Variants in MED15 observed in about 807,000 individuals in gnomAD.
MED15 encodes the protein mediator complex subunit 15, also known as mediator of RNA polymerase II transcription subunit 15.
Under a neutral mutation model 118.7 loss-of-function variants are expected in MED15, and 41 were observed. That is an observed-to-expected ratio of 0.35 (90% CI 0.27 to 0.45). MED15 has a LOEUF of 0.45. MED15 is among the 20% of genes least tolerant of loss of function. The pLI is 1.00. For missense variants in MED15, 740 were observed against 1,025.5 expected, an observed-to-expected ratio of 0.72 and a Z score of 3.80; for synonymous variants, 436 against 413.9, an observed-to-expected ratio of 1.05 and a Z score of -0.65.
chr22:20,582,808 C>T lies in MED15; in HGVS notation c.1410-32C>T, dbSNP rs746755968. 3.1e-6 allele frequency: 5 copies of T among 1,605,210 alleles called. No individual in the cohort carries two copies. In the East Asian group the frequency reaches 8.9e-5, roughly 29 times the overall value. On this transcript the variant is annotated intron_variant, in intron 10 of 17. Transcript: ENST00000263205. ...CCTCGAGGCTGGCCCTGCCTGGACC[C>T]CGGCTCACATGTTTCTCTCACTTGG...
intron 5 of MED15, among the ~76,000 whole-genome samples, chr22:20,564,047 C>T (rs756702940): frequency 2.0e-5 from 3 of 152,278 alleles, no homozygotes; most frequent in East Asian, 1.9e-4. Context: ...TAACATGCCA[C>T]GACATGGGCG....
chr22:20,573,458 T>TC (rs2056730874), intron 8 of MED15, among the ~76,000 whole-genome samples: 1 of 152,138 alleles, frequency 6.6e-6, no homozygotes, highest in Non-Finnish European at 1.5e-5. Flanking sequence ...GAGGACCCTC[T>TC]CTCTTTTTGC....
In MED15 at chr22:20,566,792, T is replaced by C; in HGVS notation, c.1016T>C (p.Leu339Ser). The change falls in exon 7 of 18, where the codon TTG becomes TCG. Residue 339 changes from leucine to serine, a missense_variant. Physicochemically the swap from Leu to Ser is moderately radical, Grantham distance 145 (BLOSUM62 -2). Around this residue, in one of 7 missense-constraint regions of MED15, gnomAD observed 384 missense variants for 506.3 expected, o/e 0.76. Coordinates refer to ENST00000263205, the MANE Select transcript of MED15 (RefSeq NM_001003891.3). ...GCGCAAGCTCTCCCTGGACAAATGT[T>C]GTATACCCAACCACCACTGAAATTT... is the stretch of plus-strand genomic sequence containing the variant. ...SQAQALPGQM[L>S]YTQPPLKFVR... 6.2e-7 allele frequency: 1 copy of C among 1,614,054 alleles called. No homozygotes were observed. Among genetic ancestry groups the C allele is most frequent in the Non-Finnish European group, 8.5e-7 (1 of 1,179,896 alleles).
At position 20,546,240 on chromosome 22, in the gene MED15, C is replaced by G. The variant is rs530472538; in HGVS notation, c.157-5196C>G. Among the ~76,000 whole-genome samples the G allele has an allele frequency of 3.9e-5, 6 of 152,292 alleles. No individual in the cohort carries two copies. The East Asian group carries it at 9.6e-4, about 24-fold the overall frequency. On this transcript the variant is annotated intron_variant, in intron 2 of 17. Transcript: ENST00000263205. ...TCTCCCAAGCTGCTGATTCATCCTGCCTGCCCCCTCCTTCTTATGAACTGG... is the reference window on the plus strand; with the variant it reads ...TCTCCCAAGCTGCTGATTCATCCTGGCTGCCCCCTCCTTCTTATGAACTGG...
intron 2 of MED15, among the ~76,000 whole-genome samples, chr22:20,541,011 G>A (rs1275811066): frequency 1.3e-5 from 2 of 152,054 alleles, no homozygotes; most frequent in Non-Finnish European, 2.9e-5. Context: ...GGCAGATCAC[G>A]AGGTCAGGAG....
intron 2 of MED15, among the ~76,000 whole-genome samples, chr22:20,546,613 A>G (rs188230068): frequency 2.8e-3 from 389 of 140,752 alleles, no homozygotes; most frequent in Non-Finnish European, 4.6e-3. Context: ...TGTTTTTCTG[A>G]TCTTTCCAGT....
At chr22:20,565,420 G>A (rs1047760202) in intron 6 of MED15, among the ~76,000 whole-genome samples, 3 of 152,186 alleles carry the variant, frequency 2.0e-5, no homozygotes, top group Admixed American at 6.5e-5. Context: ...AGTGTTAGTC[G>A]ACCTCCAGCT....
chr22:20,570,583 G>C (rs1244919400), intron 8 of MED15, among the ~76,000 whole-genome samples: 5 of 150,442 alleles, frequency 3.3e-5, no homozygotes, highest in Non-Finnish European at 5.9e-5. Context: ...GTAGAGATAG[G>C]GTTTCACCAT....
intron 7 of MED15, among the ~76,000 whole-genome samples, chr22:20,568,284 G>A (rs1051687977): frequency 2.0e-5 from 3 of 151,824 alleles, no homozygotes; most frequent in Admixed American, 2.0e-4. Context: ...GTGATAGCTG[G>A]TGCTGAGGGA....
chr22:20,544,014 C>T (rs1407092310), intron 2 of MED15, among the ~76,000 whole-genome samples: 1 of 152,222 alleles, frequency 6.6e-6, no homozygotes, highest in Non-Finnish European at 1.5e-5. Context: ...TTTCCAGTAA[C>T]ATGTTCCTTG....
intron 1 of MED15, among the ~76,000 whole-genome samples, chr22:20,525,251 C>A (rs1285059329): frequency 1.3e-4 from 20 of 151,954 alleles, no homozygotes. Context: ...ATTGCGCCAC[C>A]ATACTCCACC....
chr22:20,571,067 CCTTTT>C lies in MED15; in HGVS notation c.1152+2441_1152+2445del, dbSNP rs564535770. 8.4e-3 allele frequency among the ~76,000 whole-genome samples: 1,277 copies of C among 152,278 alleles called. 10 individuals carry two copies. The highest frequency in any genetic ancestry group is 0.037 in the Middle Eastern group (11 of 294). On this transcript the variant is annotated intron_variant, in intron 8 of 17. Coordinates refer to ENST00000263205, the MANE Select transcript of MED15 (RefSeq NM_001003891.3). ...GAGCCACTGTGCCCAGCCGAACTTT[CCTTTT>C]CTTTCCATTTCTTGGTATTTGGAAA...
intron 9 of MED15, among the ~76,000 whole-genome samples, chr22:20,581,318 T>C (rs1212981217): frequency 6.6e-6 from 1 of 152,120 alleles, no homozygotes; most frequent in Non-Finnish European, 1.5e-5. Context: ...GAGGGCAGCA[T>C]TCTGTTTGTG....
chr22:20,570,795 C>T (rs1601613636), intron 8 of MED15, among the ~76,000 whole-genome samples: 1 of 109,600 alleles, frequency 9.1e-6, no homozygotes, highest in Middle Eastern at 8.9e-3. Context: ...CTTGCTCTCT[C>T]ACCTAGGCTA....
chr22:20,576,449 C>T (rs1278013254), intron 9 of MED15, among the ~76,000 whole-genome samples: 1 of 152,248 alleles, frequency 6.6e-6, no homozygotes, highest in Non-Finnish European at 1.5e-5. Context: ...CCTGGTGCCA[C>T]ACACCACACA....
intron 1 of MED15, among the ~76,000 whole-genome samples, chr22:20,524,704 C>A (rs1295704842): frequency 1.3e-5 from 2 of 152,196 alleles, no homozygotes; most frequent in African/African-American, 2.4e-5. Context: ...TGACTGCAAC[C>A]TCCGCCTCCC....
At chr22:20,532,138 G>C (rs1251040535) in intron 1 of MED15, among the ~76,000 whole-genome samples, 1 of 152,240 alleles carries the variant, frequency 6.6e-6, no homozygotes, top group Non-Finnish European at 1.5e-5. Flanking sequence ...GAGCTGGCGA[G>C]GGCGTGGGGG....
At chr22:20,547,803 A>G (rs1161193809) in intron 2 of MED15, among the ~76,000 whole-genome samples, 1 of 152,180 alleles carries the variant, frequency 6.6e-6, no homozygotes, top group Non-Finnish European at 1.5e-5. Context: ...AGCTTGGGCC[A>G]CAGAGTGAGA....
At chr22:20,585,879 G>T in intron 17 of MED15, 53 bp downstream of exon 17, 2 of 1,564,058 alleles carry the variant, frequency 1.3e-6, no homozygotes. Context: ...AGGGGTCATT[G>T]TGGAAAACCA....
Sources: allele counts gnomAD v4.1 joint callset (sites outside exome capture counted in the v4.1 genomes callset), GRCh38; gene constraint gnomAD v4.1.1; regional missense constraint gnomAD v4.1.1; transcripts MANE v1.5; gene names NCBI Gene and HGNC (gene_info 2026-07-23, HGNC 2026-07-21).